The following RPS6KC1 variants were observed in gnomAD, a reference collection of about 807,000 sequenced individuals.
RPS6KC1 encodes ribosomal protein S6 kinase C1, also known as inactive ribosomal protein S6 kinase delta-1.
Under a neutral mutation model 103.8 loss-of-function variants are expected in RPS6KC1, and 54 were observed. The observed-to-expected ratio is 0.52, with a 90% confidence interval of 0.42 to 0.65. The LOEUF (loss-of-function observed/expected upper bound fraction) is 0.65, where lower values mean the gene tolerates loss of function less well. RPS6KC1 is among the 30% of genes least tolerant of loss of function. The pLI is 0.00. For synonymous variants in RPS6KC1, 439 were observed against 438.7 expected (o/e 1.00, Z -0.01); for missense variants, 1,151 against 1,253.8 (o/e 0.92, Z 1.24).
At chr1:213,355,226 A>C in the RPS6KC1 span, among the ~76,000 whole-genome samples, 1 of 151,978 alleles carries the variant, frequency 6.6e-6, no homozygotes, top group Non-Finnish European at 1.5e-5. Context: ...CACAAAGGAA[A>C]AAAAAAAGAG....
At chr1:213,764,587 A>T in the RPS6KC1 span, among the ~76,000 whole-genome samples, 1 of 152,204 alleles carries the variant, frequency 6.6e-6, no homozygotes, top group East Asian at 1.9e-4. Flanking sequence ...CTGTGATACC[A>T]TTCCAGCTGG....
At chr1:213,571,220 C>T in the RPS6KC1 span, among the ~76,000 whole-genome samples, 1 of 152,196 alleles carries the variant, frequency 6.6e-6, no homozygotes, top group East Asian at 1.9e-4. Context: ...AAGGAACTTG[C>T]GAGACTTATT....
At chr1:213,164,381 T>A (rs2090761415) in intron 6 of RPS6KC1, among the ~76,000 whole-genome samples, 1 of 152,196 alleles carries the variant, frequency 6.6e-6, no homozygotes, top group Admixed American at 6.5e-5. Flanking sequence ...GATTTTCTCC[T>A]CATATCTACT....
At chr1:213,509,427 C>T in the RPS6KC1 span, among the ~76,000 whole-genome samples, 4 of 151,812 alleles carry the variant, frequency 2.6e-5, no homozygotes, top group Admixed American at 2.6e-4. Context: ...TTCATTTGTA[C>T]ATATTAAATT....
chr1:213,365,095 G>T, the RPS6KC1 span, among the ~76,000 whole-genome samples: 6 of 152,152 alleles, frequency 3.9e-5, no homozygotes, highest in African/African-American at 1.4e-4. Context: ...TTGGATTTAG[G>T]GTTAGAGAAA....
At chr1:213,375,687 A>G in the RPS6KC1 span, among the ~76,000 whole-genome samples, 10 of 152,338 alleles carry the variant, frequency 6.6e-5, no homozygotes, top group East Asian at 1.9e-3. Context: ...TGGCTTGATT[A>G]TAAGGATCTG....
the RPS6KC1 span, among the ~76,000 whole-genome samples, chr1:213,541,223 A>G: frequency 6.6e-6 from 1 of 151,144 alleles, no homozygotes. Context: ...GGCACACAAC[A>G]TTTCGCGATT....
intron 8 of RPS6KC1, among the ~76,000 whole-genome samples, chr1:213,187,773 G>A (rs949052650): frequency 6.6e-6 from 1 of 151,774 alleles, no homozygotes; most frequent in African/African-American, 2.4e-5. Flanking sequence ...TCTTTGCATT[G>A]AAGGATAGTT....
chr1:213,664,149 G>A, the RPS6KC1 span, among the ~76,000 whole-genome samples: 1 of 147,656 alleles, frequency 6.8e-6, no homozygotes, highest in African/African-American at 2.5e-5. Flanking sequence ...ATTGCTGGGT[G>A]ATGTGGGGAG....
At chr1:213,574,776 A>T in the RPS6KC1 span, among the ~76,000 whole-genome samples, 1 of 152,122 alleles carries the variant, frequency 6.6e-6, no homozygotes, top group Non-Finnish European at 1.5e-5. Flanking sequence ...GCCCAGCTTG[A>T]TTTGGTGTTA....
chr1:213,740,509 G>T, the RPS6KC1 span, among the ~76,000 whole-genome samples: 2 of 151,954 alleles, frequency 1.3e-5, no homozygotes, highest in Non-Finnish European at 2.9e-5. Context: ...TTGGGATTCA[G>T]CTTCGTCCTT....
the RPS6KC1 span, among the ~76,000 whole-genome samples, chr1:213,530,194 A>T: frequency 6.6e-6 from 1 of 151,976 alleles, no homozygotes; most frequent in African/African-American, 2.4e-5. Context: ...TAGCTCTTTC[A>T]TTTTCATCCC....
the RPS6KC1 span, among the ~76,000 whole-genome samples, chr1:213,379,325 C>T: frequency 6.6e-6 from 1 of 152,038 alleles, no homozygotes; most frequent in Non-Finnish European, 1.5e-5. Flanking sequence ...GAGGGTAGGC[C>T]CCTAATCCAA....
At chr1:213,224,945 G>A (rs921180682) in intron 8 of RPS6KC1, among the ~76,000 whole-genome samples, 1 of 152,214 alleles carries the variant, frequency 6.6e-6, no homozygotes, top group African/African-American at 2.4e-5. Context: ...AAATGCAGTC[G>A]TTTCTCTTTG....
At chr1:213,137,533 A>C (rs1296564541) in intron 6 of RPS6KC1, among the ~76,000 whole-genome samples, 1 of 150,868 alleles carries the variant, frequency 6.6e-6, no homozygotes, top group Non-Finnish European at 1.5e-5. Flanking sequence ...GTGTTTCTCC[A>C]TGTTGGTCAG....
At chr1:213,404,539 A>G in the RPS6KC1 span, among the ~76,000 whole-genome samples, 3 of 152,104 alleles carry the variant, frequency 2.0e-5, no homozygotes, top group Non-Finnish European at 4.4e-5. Flanking sequence ...ATGCTACGTG[A>G]GGACCAATGG....
chr1:213,561,066 G>A, the RPS6KC1 span, among the ~76,000 whole-genome samples: 116 of 152,332 alleles, frequency 7.6e-4, no homozygotes, highest in African/African-American at 2.4e-3. Flanking sequence ...CAATGAAAGA[G>A]AGGTTAGTTG....
At chr1:213,762,670 A>G in the RPS6KC1 span, among the ~76,000 whole-genome samples, 6 of 152,212 alleles carry the variant, frequency 3.9e-5, no homozygotes, top group Non-Finnish European at 7.3e-5. Flanking sequence ...TGCCCTTTCT[A>G]AGAATAGAAA....
the RPS6KC1 span, among the ~76,000 whole-genome samples, chr1:213,595,490 G>A: frequency 2.0e-5 from 3 of 152,170 alleles, no homozygotes; most frequent in Non-Finnish European, 2.9e-5. Context: ...TTCCAACCAC[G>A]TTTCCTTTGC....
Sources: gnomAD v4.1 joint callset for allele counts (sites outside exome capture counted in the v4.1 genomes callset) on GRCh38, gnomAD v4.1.1 for gene constraint, MANE v1.5 for transcripts, NCBI Gene and HGNC (gene_info 2026-07-23, HGNC 2026-07-21) for gene names.